The following MMD variants were observed in gnomAD, a reference collection of about 807,000 sequenced individuals.
MMD encodes monocyte to macrophage differentiation factor.
Under a neutral mutation model 33.6 loss-of-function variants are expected in MMD, and 22 were observed. That is an observed-to-expected ratio of 0.66 (90% CI 0.47 to 0.94). The LOEUF is 0.94. MMD is among the 40% of genes least tolerant of loss of function. The pLI is 0.00. For missense variants in MMD, 242 were observed against 309.8 expected (o/e 0.78, Z 1.64); for synonymous variants, 97 against 103.2 (o/e 0.94, Z 0.36).
At chr17:55,397,789 G>A (rs553294263) in intron 6 of MMD, among the ~76,000 whole-genome samples, 12 of 152,072 alleles carry the variant, frequency 7.9e-5, no homozygotes, top group Non-Finnish European at 1.2e-4. Flanking sequence ...TGATCCACCC[G>A]CCTCAGCCTC....
intron 2 of MMD, among the ~76,000 whole-genome samples, chr17:55,413,464 T>TACACAC (rs1567851032): frequency 1.3e-5 from 2 of 151,928 alleles, no homozygotes; most frequent in African/African-American, 4.8e-5. Context: ...GAGACACACA[T>TACACAC]ATACACACAC....
chr17:55,418,943 G>A (rs189694627), intron 1 of MMD, among the ~76,000 whole-genome samples: 1 of 152,172 alleles, frequency 6.6e-6, no homozygotes, highest in African/African-American at 2.4e-5. Context: ...ATACAGTAGA[G>A]CTCTGTGGAT....
chr17:55,420,824 G>C (rs1309327564), intron 1 of MMD, among the ~76,000 whole-genome samples: 3 of 152,202 alleles, frequency 2.0e-5, no homozygotes, highest in Non-Finnish European at 4.4e-5. Flanking sequence ...TCCTCTCAGA[G>C]TCATGGGCTA....
intron 6 of MMD, among the ~76,000 whole-genome samples, chr17:55,394,891 C>T (rs1458255435): frequency 6.6e-6 from 1 of 152,246 alleles, no homozygotes; most frequent in African/African-American, 2.4e-5. Flanking sequence ...CCTTTAAATG[C>T]TTCCTTCCCT....
At chr17:55,394,823 T>C (rs1907041649) in intron 6 of MMD, among the ~76,000 whole-genome samples, 2 of 152,370 alleles carry the variant, frequency 1.3e-5, no homozygotes, top group South Asian at 2.1e-4. Context: ...CAAACTGCAA[T>C]CATAGCCAGA....
chr17:55,398,358 C>T (rs953691611), intron 6 of MMD, among the ~76,000 whole-genome samples: 2 of 151,406 alleles, frequency 1.3e-5, no homozygotes, highest in Non-Finnish European at 2.9e-5. Flanking sequence ...TCTAGAATCT[C>T]CATGTGGATT....
At chr17:55,397,933 T>C (rs990542276) in intron 6 of MMD, among the ~76,000 whole-genome samples, 1 of 151,864 alleles carries the variant, frequency 6.6e-6, no homozygotes, top group African/African-American at 2.4e-5. Context: ...CTTGCTCTTT[T>C]TTCTCTCTCT....
intron 1 of MMD, among the ~76,000 whole-genome samples, chr17:55,418,522 A>G (rs1304720482): frequency 6.6e-6 from 1 of 152,198 alleles, no homozygotes; most frequent in African/African-American, 2.4e-5. Flanking sequence ...CACACACAAA[A>G]ACACTTAAAA....
At position 55,394,456 on chromosome 17, in the gene MMD, C is replaced by A; in HGVS notation, c.595G>T (p.Gly199Cys). The A allele has an allele frequency of 6.5e-7, 1 of 1,545,904 alleles. No individual in the cohort carries two copies. The highest frequency in any genetic ancestry group is 1.2e-5 in the South Asian group (1 of 80,398). Residue 199 changes from glycine (G) to cysteine (C), a missense_variant, in exon 7 of 7, where the codon GGC becomes TGC. Physicochemically the swap from Gly to Cys is radical, Grantham distance 159 (BLOSUM62 -3). Transcript: ENST00000262065. ...CLGVVFFKSD[G>C]IIPFAHAIWH... ...ATGGCGTGGGCAAATGGAATGATGC[C>A]ATCACTCTTGAAGAACACAACTCCC...
At chr17:55,404,479 A>C in intron 4 of MMD, 1 of 985,400 alleles carries the variant, frequency 1.0e-6, no homozygotes, top group Non-Finnish European at 1.2e-6. Flanking sequence ...TGAGGTCAAA[A>C]CTGCTTGCCC....
In MMD at chr17:55,404,588, G is replaced by C. The variant is rs74847512; in HGVS notation, c.345-720C>G. On this transcript the variant is annotated intron_variant, in intron 4 of 6. Coordinates refer to ENST00000262065, the MANE Select transcript of MMD (RefSeq NM_012329.3). ...GACGCAGGATCAGATACCCACAGTG[G>C]ATACCTAATACACAAACCAAGTGTG... is the stretch of plus-strand genomic sequence containing the variant. The C allele has an allele frequency of 9.5e-4, 931 of 984,952 alleles. 9 individuals are homozygous for C. The African/African-American group carries it at 0.016, about 16-fold the overall frequency. 61.0% of individuals were successfully genotyped at this position (984,952 alleles called of 1,614,324 possible).
At chr17:55,394,991 C>T (rs149367596) in intron 6 of MMD, among the ~76,000 whole-genome samples, 9 of 152,320 alleles carry the variant, frequency 5.9e-5, no homozygotes, top group Admixed American at 4.6e-4. Context: ...CTGTTCTACA[C>T]TGATTGCTGC....
chr17:55,397,065 C>T (rs537636412), intron 6 of MMD, among the ~76,000 whole-genome samples: 38 of 152,306 alleles, frequency 2.5e-4, no homozygotes, highest in African/African-American at 9.1e-4. Flanking sequence ...TTTACTTCTA[C>T]ATGTTAGAAA....
intron 5 of MMD, among the ~76,000 whole-genome samples, chr17:55,402,087 C>CAAAA (rs55724383): frequency 7.6e-5 from 7 of 92,040 alleles, no homozygotes; most frequent in Non-Finnish European, 1.0e-4. Flanking sequence ...GACTCAGTCT[C>CAAAA]AAAAAAAAAA....
intron 6 of MMD, among the ~76,000 whole-genome samples, chr17:55,398,468 T>C (rs1275304892): frequency 1.3e-5 from 2 of 151,886 alleles, no homozygotes; most frequent in Non-Finnish European, 2.9e-5. Context: ...TCTGTGTCTA[T>C]TGATCTGTTT....
chr17:55,393,238 A>G lies in MMD; in HGVS notation c.*1096T>C, dbSNP rs1906982401. ...TTCTACCTGTCAAACAATGCTTTAA[A>G]TATTTTTTCTAGGAAAAAAAAAAAA... On this transcript the variant is annotated 3_prime_UTR_variant, in exon 7 of 7. Coordinates refer to ENST00000262065, the MANE Select transcript of MMD (RefSeq NM_012329.3). 7.9e-6 allele frequency: 1 copy of G among 127,196 alleles called. No homozygotes were observed. Among genetic ancestry groups the G allele is most frequent in the Non-Finnish European group, 1.8e-5 (1 of 56,308 alleles). The allele number at this position is 127,196 out of a possible 1,614,324, so 7.9% of individuals were successfully genotyped here.
At chr17:55,421,295 G>A (rs992634361) in intron 1 of MMD, among the ~76,000 whole-genome samples, 9 of 152,380 alleles carry the variant, frequency 5.9e-5, no homozygotes, top group African/African-American at 1.9e-4. Flanking sequence ...GGACTCGGGG[G>A]CGGTGCCCGG....
intron 5 of MMD, among the ~76,000 whole-genome samples, chr17:55,402,976 CA>C (rs1907404067): frequency 6.6e-6 from 1 of 152,166 alleles, no homozygotes; most frequent in African/African-American, 2.4e-5. Context: ...ACAATAGATA[CA>C]GAATTTAATG....
At chr17:55,394,989 C>T (rs1007274456) in intron 6 of MMD, among the ~76,000 whole-genome samples, 2 of 152,218 alleles carry the variant, frequency 1.3e-5, no homozygotes, top group Non-Finnish European at 2.9e-5. Context: ...CACTGTTCTA[C>T]ACTGATTGCT....
Sources: allele counts gnomAD v4.1 joint callset (sites outside exome capture counted in the v4.1 genomes callset), GRCh38; gene constraint gnomAD v4.1.1; transcripts MANE v1.5; gene names NCBI Gene and HGNC (gene_info 2026-07-23, HGNC 2026-07-21).